FBLN1: variants seen among roughly 807,000 people sequenced by gnomAD.
FBLN1 encodes the protein fibulin 1, also known as fibulin-1.
In FBLN1, 34 loss-of-function variants were observed where a neutral mutation model predicts 89.7. The ratio of observed to expected loss-of-function variants is 0.38; its 90% CI spans 0.29 to 0.50. The LOEUF (loss-of-function observed/expected upper bound fraction) is 0.50. Among genes scored for constraint, FBLN1 ranks in the 20% least tolerant of loss-of-function variants. The pLI, the probability that FBLN1 is intolerant of heterozygous loss-of-function variation, is 0.92. For missense variants in FBLN1, 777 were observed against 988.1 expected, an observed-to-expected ratio of 0.79 and a Z score of 2.86; for synonymous variants, 393 against 391.3, an observed-to-expected ratio of 1.00 and a Z score of -0.05.
At chr22:45,551,671 G>T (rs996862202) in intron 14 of FBLN1, among the ~76,000 whole-genome samples, 1 of 152,218 alleles carries the variant, frequency 6.6e-6, no homozygotes, top group Admixed American at 6.5e-5. Context: ...GGAAAAAGCT[G>T]CCCCAAAACT....
intron 10 of FBLN1, among the ~76,000 whole-genome samples, chr22:45,542,862 G>A (rs894463471): frequency 8.5e-5 from 13 of 152,240 alleles, no homozygotes; most frequent in African/African-American, 1.9e-4. Context: ...ATGTGCTGCC[G>A]CAGAAGGAGC....
Position 45,556,088 on chromosome 22 carries a change from C to A in FBLN1, c.1697+5473C>A, listed in dbSNP as rs912096799. Among the ~76,000 whole-genome samples, 8 of 152,146 alleles carry A rather than the reference C, an allele frequency of 5.3e-5. No homozygotes were observed. Among genetic ancestry groups the A allele is most frequent in the African/African-American group, 1.9e-4 (8 of 41,436 alleles). ...TTGTCTCACCGCAACCTCCACGTCC[C>A]GAGTTCAAGTGATTATCCTGCCTCA... On this transcript the variant is annotated intron_variant, in intron 14 of 16. Transcript: ENST00000327858. This position sits in a 1 kb window ranked among gnomAD's most constrained non-coding sequence, Gnocchi z 4.6.
At position 45,577,010 on chromosome 22, in the gene FBLN1, A is replaced by T; in HGVS notation, c.1874A>T (p.His625Leu). Residue 625 changes from histidine (H) to leucine (L), a missense_variant, in exon 16 of 17, where the codon CAT becomes CTT. Coordinates refer to ENST00000327858, the MANE Select transcript of FBLN1 (RefSeq NM_006486.3). This position sits in a 1 kb window ranked among gnomAD's most constrained non-coding sequence, Gnocchi z 6.6. ...IIFLRAITPP[H>L]PASQANIIFD... Reference sequence around the variant, plus strand: ...TTCCTCCGGGCCATCACGCCACCGCATCCTGCCAGCCAGGCTAACATCATC... The same window carrying T: ...TTCCTCCGGGCCATCACGCCACCGCTTCCTGCCAGCCAGGCTAACATCATC... The T allele has an allele frequency of 6.2e-7, 1 of 1,614,142 alleles. No individual in the cohort carries two copies.
Position 45,508,284 on chromosome 22 carries a change from A to ATTTTTTTTTTTTT in FBLN1, c.79+5221_79+5222insTTTTTTTTTTTTT, listed in dbSNP as rs1273382952. 9.1e-3 allele frequency among the ~76,000 whole-genome samples: 597 copies of ATTTTTTTTTTTTT among 65,354 alleles called. 11 individuals are homozygous for ATTTTTTTTTTTTT. Among genetic ancestry groups the ATTTTTTTTTTTTT allele is most frequent in the African/African-American group, 0.031 (572 of 18,534 alleles). 42.9% of individuals were successfully genotyped at this position (65,354 alleles called of 152,430 possible). A position where few individuals can be genotyped will look rare whatever the true frequency, so the allele number is the denominator to read the frequency against. ...ACCAGCACACTGGACAGCCTCGCGT[A>ATTTTTTTTTTTTT]TCTTTTTTTTTGAGACGGAGTCTTG... On this transcript the variant is annotated intron_variant, in intron 1 of 16. Coordinates refer to ENST00000327858, the MANE Select transcript of FBLN1 (RefSeq NM_006486.3).
intron 16 of FBLN1, among the ~76,000 whole-genome samples, chr22:45,587,999 G>C (rs909606920): frequency 6.6e-6 from 1 of 152,208 alleles, no homozygotes; most frequent in Non-Finnish European, 1.5e-5. Flanking sequence ...CCTGCTCTGA[G>C]GAATGCAGCA....
In FBLN1 at chr22:45,575,007, C is replaced by T. The variant is rs2088983908; in HGVS notation, c.1840+354C>T. On this transcript the variant is annotated intron_variant, in intron 15 of 16. Transcript: ENST00000327858. The surrounding 1 kb of genome is among the most constrained non-coding windows in gnomAD (Gnocchi z 6.3). ...CCGTGTTCGCCAGGATGGTCTCAAT[C>T]TCCTGACCTCATGATCCACCCGCCT... Among the ~76,000 whole-genome samples the T allele has an allele frequency of 6.6e-6, 1 of 152,108 alleles. No homozygotes were observed. The highest frequency in any genetic ancestry group is 1.5e-5 in the Non-Finnish European group (1 of 68,022).
At position 45,541,079 on chromosome 22, in the gene FBLN1, C is replaced by T. The variant is rs183127742; in HGVS notation, c.923-150C>T. On this transcript the variant is annotated intron_variant, in intron 8 of 16. Coordinates refer to ENST00000327858, the MANE Select transcript of FBLN1 (RefSeq NM_006486.3). ...TAAAATTTGGGAGCCAGCTGGGAGG[C>T]GGCTGTGTGGTCCAGAGTGAGGGGG... 3,650 of 959,524 alleles carry T rather than the reference C, an allele frequency of 3.8e-3. 136 individuals carry two copies. The Admixed American group carries it at 0.063, about 17-fold the overall frequency. 59.4% of individuals were successfully genotyped at this position (959,524 alleles called of 1,614,324 possible). A position where few individuals can be genotyped will look rare whatever the true frequency, so the allele number is the denominator to read the frequency against.
chr22:45,541,441 T>G, intron 9 of FBLN1, 69 bp downstream of exon 9: 1 of 1,593,764 alleles, frequency 6.3e-7, no homozygotes, highest in Non-Finnish European at 8.6e-7. Flanking sequence ...CTGCCTTCTC[T>G]GGAAGCAGAA....
chr22:45,555,912 T>A (rs1034696355), intron 14 of FBLN1, among the ~76,000 whole-genome samples: 4 of 152,370 alleles, frequency 2.6e-5, no homozygotes, highest in Non-Finnish European at 5.9e-5. Flanking sequence ...AAATCTTATG[T>A]CACTTGATAA....
intron 4 of FBLN1, among the ~76,000 whole-genome samples, chr22:45,529,542 C>CT (rs1386726947): frequency 6.6e-6 from 1 of 152,148 alleles, no homozygotes; most frequent in Non-Finnish European, 1.5e-5. Flanking sequence ...CCTCCTCTCT[C>CT]TGAGCTTTGC....
chr22:45,593,486 C>T (rs1271172973), intron 16 of FBLN1, among the ~76,000 whole-genome samples: 1 of 152,148 alleles, frequency 6.6e-6, no homozygotes, highest in African/African-American at 2.4e-5. Flanking sequence ...ATACCAGCAG[C>T]GTCTGAGACC....
chr22:45,569,056 A>C (rs2088928636), intron 14 of FBLN1, among the ~76,000 whole-genome samples: 1 of 152,182 alleles, frequency 6.6e-6, no homozygotes, highest in African/African-American at 2.4e-5. Flanking sequence ...GTGTGACCTC[A>C]TCTTAACTGA....
rs2088205541 is a variant in FBLN1, at chr22:45,518,745, A to G, written c.143A>G (p.Lys48Arg). The change falls in exon 2 of 17, where the codon AAG becomes AGG. Residue 48 changes from lysine (K) to arginine (R), a missense_variant. Physicochemically the swap from Lys to Arg is conservative, Grantham distance 26. Coordinates refer to ENST00000327858, the MANE Select transcript of FBLN1 (RefSeq NM_006486.3). ...GGACACCGGATGGCCACTCATCAGA[A>G]GGACTGCTCGCTGCCATATGCTACG... ...ADGHRMATHQ[K>R]DCSLPYATES... 2.5e-6 allele frequency: 4 copies of G among 1,612,432 alleles called. No homozygotes were observed. The highest frequency in any genetic ancestry group is 3.4e-6 in the Non-Finnish European group (4 of 1,179,410).
At chr22:45,594,863 TGGATGGAC>T (rs2089171164) in intron 16 of FBLN1, among the ~76,000 whole-genome samples, 3 of 151,558 alleles carry the variant, frequency 2.0e-5, no homozygotes, top group Non-Finnish European at 2.9e-5. Flanking sequence ...GGTGGATGGA[TGGATGGAC>T]GGATGGATGG....
Position 45,550,681 on chromosome 22 carries a change from G to A in FBLN1, c.1697+66G>A. 2.5e-6 allele frequency: 4 copies of A among 1,611,906 alleles called. No homozygotes were observed. Among genetic ancestry groups the A allele is most frequent in the Non-Finnish European group, 3.4e-6 (4 of 1,178,694 alleles). On this transcript the variant is annotated intron_variant, in intron 14 of 16. Coordinates refer to ENST00000327858, the MANE Select transcript of FBLN1 (RefSeq NM_006486.3). The surrounding 1 kb of genome is among the most constrained non-coding windows in gnomAD (Gnocchi z 8.4). ...GGCCTTCCTGGTGACCCAGTTCCCG[G>A]GTGGGTGGGTTATCAGGCTGTGACC...
At position 45,504,780 on chromosome 22, in the gene FBLN1, A is replaced by G. The variant is rs575881826; in HGVS notation, c.79+1716A>G. ...CCAGTGTGGCTCACTGCTGAGCCAC[A>G]GAGAAGTTTGTAATTGGAAGGGTTT... is the stretch of plus-strand genomic sequence containing the variant. On this transcript the variant is annotated intron_variant, in intron 1 of 16. Transcript: ENST00000327858. Among the ~76,000 whole-genome samples the G allele has an allele frequency of 2.5e-3, 378 of 152,344 alleles. 7 individuals are homozygous for G. The highest frequency in any genetic ancestry group is 8.7e-3 in the African/African-American group (363 of 41,576).
chr22:45,515,668 G>A (rs1441946522), intron 1 of FBLN1, among the ~76,000 whole-genome samples: 1 of 152,176 alleles, frequency 6.6e-6, no homozygotes, highest in African/African-American at 2.4e-5. Flanking sequence ...TTTCTTATGA[G>A]CAGCGATAAG....
In FBLN1 at chr22:45,527,919, G is replaced by T; in HGVS notation, c.394G>T (p.Val132Phe). The change falls in exon 4 of 17, where the codon GTT becomes TTT. Residue 132 changes from valine to phenylalanine, a missense_variant. Val to Phe is a conservative substitution (Grantham distance 50). Coordinates refer to ENST00000327858, the MANE Select transcript of FBLN1 (RefSeq NM_006486.3). ...CCAGAGCTGCGAGTACAGCCTCATG[G>T]TTGGCTACCAGTGTGGACAGGTCTT... ...QGQSCEYSLM[V>F]GYQCGQVFQA... The T allele has an allele frequency of 6.2e-7, 1 of 1,614,182 alleles. No individual in the cohort carries two copies. Among genetic ancestry groups the T allele is most frequent in the South Asian group, 1.1e-5 (1 of 91,076 alleles).
intron 14 of FBLN1, among the ~76,000 whole-genome samples, chr22:45,552,434 A>C (rs1000609138): frequency 2.9e-4 from 44 of 152,264 alleles, no homozygotes; most frequent in African/African-American, 1.1e-3. Flanking sequence ...GATAGTGAGG[A>C]GGGGCCACCC....
Sources: gnomAD v4.1 joint callset for allele counts (sites outside exome capture counted in the v4.1 genomes callset) on GRCh38, gnomAD v4.1.1 for gene constraint, Gnocchi (gnomAD v3.1) non-coding constraint, MANE v1.5 for transcripts, NCBI Gene and HGNC (gene_info 2026-07-23, HGNC 2026-07-21) for gene names.